Variants in WDR43 observed in about 807,000 individuals in gnomAD.
WDR43 encodes the protein WD repeat domain 43.
Under a neutral mutation model 91.4 loss-of-function variants are expected in WDR43, and 13 were observed. The observed-to-expected ratio is 0.14, with a 90% CI of 0.09 to 0.23. The LOEUF (loss-of-function observed/expected upper bound fraction) is 0.23. Among genes scored for constraint, WDR43 ranks in the 10% least tolerant of loss-of-function variants. WDR43 has a pLI of 1.00. For missense variants in WDR43, 780 were observed against 809.4 expected, an observed-to-expected ratio of 0.96 and a Z score of 0.44; for synonymous variants, 331 against 287.9, an observed-to-expected ratio of 1.15 and a Z score of -1.51.
intron 16 of WDR43, among the ~76,000 whole-genome samples, chr2:28,944,883 ACTT>A (rs763673687): frequency 1.3e-5 from 2 of 152,370 alleles, no homozygotes; most frequent in African/African-American, 2.4e-5. Flanking sequence ...ATAGCACGGC[ACTT>A]CATCACGCTG....
At chr2:28,900,966 ACT>A (rs1293135487) in intron 1 of WDR43, among the ~76,000 whole-genome samples, 1 of 152,042 alleles carries the variant, frequency 6.6e-6, no homozygotes, top group Non-Finnish European at 1.5e-5. Flanking sequence ...ACTCCCTGAC[ACT>A]CTTTATGCAC....
chr2:28,922,250 G>A (rs1351050218), intron 6 of WDR43, among the ~76,000 whole-genome samples: 1 of 152,072 alleles, frequency 6.6e-6, no homozygotes, highest in Admixed American at 6.6e-5. Flanking sequence ...CAATGTATTG[G>A]CTCCTCCCTG....
chr2:28,945,586 A>T (rs1024830930), intron 16 of WDR43, among the ~76,000 whole-genome samples: 1 of 152,136 alleles, frequency 6.6e-6, no homozygotes, highest in Non-Finnish European at 1.5e-5. Flanking sequence ...GTTCCTTTAA[A>T]CTGGATGTGA....
intron 3 of WDR43, among the ~76,000 whole-genome samples, chr2:28,910,379 T>C (rs528066646): frequency 6.6e-6 from 1 of 152,152 alleles, no homozygotes; most frequent in African/African-American, 2.4e-5. Flanking sequence ...AATCGATAAA[T>C]TGGCAAAAAT....
At chr2:28,930,109 T>C (rs780079834) in intron 11 of WDR43, 1 of 471,408 alleles carries the variant, frequency 2.1e-6, no homozygotes, top group East Asian at 6.9e-5. Flanking sequence ...TATTTCCCCC[T>C]GGCCGTGAGA....
At chr2:28,894,997 T>C (rs1670447988) in intron 1 of WDR43, 74 bp downstream of exon 1, 2 of 1,365,276 alleles carry the variant, frequency 1.5e-6, no homozygotes, top group African/African-American at 3.3e-5. Flanking sequence ...GGGTGGCGCG[T>C]GGTCCGGCAT....
At position 28,924,909 on chromosome 2, in the gene WDR43, G is replaced by A. The variant is rs959627727; in HGVS notation, c.915-73G>A. On this transcript the variant is annotated intron_variant, in intron 7 of 17. Coordinates refer to ENST00000407426, the MANE Select transcript of WDR43 (RefSeq NM_015131.3). The stretch of plus-strand genomic sequence containing the variant: ...AGAGGGGGGTCACATTTCGTGACTT[G>A]ATGTCAGTTCCAGAGAGTTAGTATG... The A allele has an allele frequency of 5.2e-6, 8 of 1,534,710 alleles. No individual in the cohort carries two copies. In the African/African-American group the frequency reaches 8.3e-5, roughly 16 times the overall value.
chr2:28,930,185 G>C, intron 11 of WDR43: 1 of 453,192 alleles, frequency 2.2e-6, no homozygotes. Flanking sequence ...GAGGGTTGGG[G>C]GTTATGTTGT....
At chr2:28,931,077 CTTT>C (rs777986889) in intron 11 of WDR43, among the ~76,000 whole-genome samples, 2 of 137,800 alleles carry the variant, frequency 1.5e-5, no homozygotes, top group African/African-American at 2.7e-5. Flanking sequence ...TTTATTTCTG[CTTT>C]TTTTTTTTTT....
At chr2:28,895,651 T>C (rs1011776867) in intron 1 of WDR43, among the ~76,000 whole-genome samples, 1 of 152,082 alleles carries the variant, frequency 6.6e-6, no homozygotes, top group African/African-American at 2.4e-5. Context: ...TTAGTGAATG[T>C]TTTATGAGTG....
chr2:28,901,773 A>G (rs564973269), intron 1 of WDR43, among the ~76,000 whole-genome samples: 37 of 152,144 alleles, frequency 2.4e-4, no homozygotes, highest in South Asian at 4.1e-4. Context: ...CCTTTTTTCC[A>G]TAGGGGTGGG....
chr2:28,907,180 C>A (rs1227539641), intron 3 of WDR43, among the ~76,000 whole-genome samples: 1 of 152,140 alleles, frequency 6.6e-6, no homozygotes, highest in East Asian at 1.9e-4. Flanking sequence ...TAAATGTGGG[C>A]TGTTGAATAT....
intron 6 of WDR43, among the ~76,000 whole-genome samples, chr2:28,919,048 A>G (rs1670970560): frequency 6.6e-6 from 1 of 152,216 alleles, no homozygotes; most frequent in African/African-American, 2.4e-5. Context: ...ACTTGAGCCC[A>G]GGAGTTCAGG....
intron 16 of WDR43, 22 bp downstream of exon 16, chr2:28,942,403 T>A (rs765833213): frequency 6.2e-7 from 1 of 1,608,300 alleles, no homozygotes; most frequent in Non-Finnish European, 8.5e-7. Context: ...GGGAATGGGA[T>A]GGAGTCTAGA....
chr2:28,919,810 C>T (rs977401062), intron 6 of WDR43, among the ~76,000 whole-genome samples: 7 of 152,120 alleles, frequency 4.6e-5, no homozygotes, highest in African/African-American at 1.4e-4. Flanking sequence ...TGATGAGAAA[C>T]ATTTTGGTAT....
chr2:28,917,523 T>G (rs1403726760), intron 5 of WDR43, among the ~76,000 whole-genome samples: 1 of 152,164 alleles, frequency 6.6e-6, no homozygotes, highest in Non-Finnish European at 1.5e-5. Context: ...AAAATCATTT[T>G]GAAAAAGAAG....
intron 3 of WDR43, among the ~76,000 whole-genome samples, chr2:28,910,039 T>G (rs1222565536): frequency 6.6e-6 from 1 of 152,234 alleles, no homozygotes. Context: ...TAGTGCTTCT[T>G]AAGGCTTAAA....
intron 16 of WDR43, among the ~76,000 whole-genome samples, chr2:28,945,957 A>T (rs1161274923): frequency 6.6e-6 from 1 of 152,198 alleles, no homozygotes; most frequent in Admixed American, 6.5e-5. Flanking sequence ...GTATTTAAAG[A>T]TGAGATTTTT....
At chr2:28,919,360 A>G (rs1670977451) in intron 6 of WDR43, among the ~76,000 whole-genome samples, 1 of 152,142 alleles carries the variant, frequency 6.6e-6, no homozygotes, top group Non-Finnish European at 1.5e-5. Flanking sequence ...CCCTATAAAG[A>G]TTTTTGTCTT....
Sources: gnomAD v4.1 joint callset for allele counts (sites outside exome capture counted in the v4.1 genomes callset) on GRCh38, gnomAD v4.1.1 for gene constraint, MANE v1.5 for transcripts, NCBI Gene and HGNC (gene_info 2026-07-23, HGNC 2026-07-21) for gene names.